DOCK10: variants seen among roughly 807,000 people sequenced by gnomAD.
DOCK10 encodes the protein dedicator of cytokinesis 10.
DOCK10 carries 145 observed loss-of-function variants against 280.1 expected under a neutral mutation model. That is an observed-to-expected ratio of 0.52 (90% CI 0.45 to 0.59). The LOEUF (loss-of-function observed/expected upper bound fraction) is 0.59, where lower values mean the gene tolerates loss of function less well. Among genes scored for constraint, DOCK10 ranks in the 20% least tolerant of loss-of-function variants. The probability of loss-of-function intolerance (pLI) is 0.00; values close to 1 mark genes in which losing one functional copy is unlikely to be tolerated. For missense variants in DOCK10, 2,368 were observed against 2,651.7 expected (o/e 0.89, Z 2.35); for synonymous variants, 915 against 942.2 (o/e 0.97, Z 0.53).
intron 50 of DOCK10, among the ~76,000 whole-genome samples, chr2:224,780,384 G>A (rs754886936): frequency 1.3e-5 from 2 of 152,118 alleles, no homozygotes; most frequent in Admixed American, 6.5e-5. Flanking sequence ...GAGAAATAAG[G>A]CTTCTGAAGC....
intron 1 of DOCK10, among the ~76,000 whole-genome samples, chr2:224,941,662 G>A (rs1420697192): frequency 6.6e-6 from 1 of 152,014 alleles, no homozygotes; most frequent in Non-Finnish European, 1.5e-5. Context: ...TGGCCAACAT[G>A]GTGAAACCCC....
Position 224,876,199 on chromosome 2 carries a change from G to A in DOCK10, c.770C>T (p.Ala257Val), listed in dbSNP as rs558377753. ...CAGATCATTCATTTTCAATTCAAAG[G>A]CATATTTTCTTAGTCTGTTATTCTG... The part of the protein sequence containing the change: ...VVQNNRLRKY[A>V]FELKMNDLTY... Residue 257 changes from alanine to valine, a missense_variant, in exon 8 of 56, where the codon GCC becomes GTC. This residue lies in a region of DOCK10 where 1,209 missense variants were observed against 1,250.9 expected (regional missense o/e 0.97). Coordinates refer to ENST00000258390, the MANE Select transcript of DOCK10 (RefSeq NM_014689.3). The A allele has an allele frequency of 3.5e-5, 57 of 1,611,134 alleles. No homozygotes were observed. In the Admixed American group the frequency reaches 8.9e-4, roughly 25 times the overall value.
intron 1 of DOCK10, among the ~76,000 whole-genome samples, chr2:224,976,357 A>G (rs1189635047): frequency 6.6e-6 from 1 of 152,196 alleles, no homozygotes; most frequent in Non-Finnish European, 1.5e-5. Context: ...CCTGTGTAAC[A>G]AACCTGCACG....
intron 1 of DOCK10, among the ~76,000 whole-genome samples, chr2:225,030,993 T>C (rs976367920): frequency 3.9e-5 from 6 of 152,214 alleles, no homozygotes; most frequent in Non-Finnish European, 5.9e-5. Flanking sequence ...TCTCTAAGTA[T>C]GACATTCTCT....
At chr2:224,932,304 G>A (rs1702431480) in intron 1 of DOCK10, among the ~76,000 whole-genome samples, 1 of 152,138 alleles carries the variant, frequency 6.6e-6, no homozygotes, top group Admixed American at 6.5e-5. Flanking sequence ...TAATCACATT[G>A]CATTAGATTC....
At chr2:224,844,985 G>C in intron 21 of DOCK10, 146 bp from the exon 22 acceptor site, 1 of 800,260 alleles carries the variant, frequency 1.2e-6, no homozygotes, top group Non-Finnish European at 2.0e-6. Context: ...AATACATTTA[G>C]CACTATTGGT....
At chr2:224,781,430 G>A (rs1256486499) in intron 50 of DOCK10, among the ~76,000 whole-genome samples, 1 of 152,170 alleles carries the variant, frequency 6.6e-6, no homozygotes, top group Non-Finnish European at 1.5e-5. Context: ...ACAAATGGCA[G>A]CTCTGAAAAT....
intron 3 of DOCK10, among the ~76,000 whole-genome samples, chr2:224,909,086 G>C (rs528812011): frequency 2.0e-5 from 3 of 152,318 alleles, no homozygotes; most frequent in Admixed American, 6.5e-5. Context: ...TGTTAAGAGA[G>C]ACTGAACCAA....
chr2:224,784,698 G>C (rs776706713), intron 50 of DOCK10: 9 of 1,289,090 alleles, frequency 7.0e-6, no homozygotes, highest in Non-Finnish European at 9.1e-6. Context: ...AGGGGTGTTA[G>C]AGCATGCAAA....
At chr2:224,828,782 C>A (rs1311337925) in intron 27 of DOCK10, among the ~76,000 whole-genome samples, 2 of 152,138 alleles carry the variant, frequency 1.3e-5, no homozygotes, top group African/African-American at 4.8e-5. Flanking sequence ...GGGACCGACT[C>A]TCAGGGAGTT....
At chr2:224,858,398 C>T (rs1256712647) in intron 14 of DOCK10, among the ~76,000 whole-genome samples, 1 of 151,968 alleles carries the variant, frequency 6.6e-6, no homozygotes, top group Non-Finnish European at 1.5e-5. Flanking sequence ...GTGGCTCACG[C>T]CTGTAATCCC....
rs1403140304 is a variant in DOCK10, at chr2:224,796,430, G to A, written c.4828-4C>T. 5.2e-6 allele frequency: 8 copies of A among 1,538,542 alleles called. No individual in the cohort carries two copies. The highest frequency in any genetic ancestry group is 1.4e-5 in the African/African-American group (1 of 72,472). On this transcript the variant is annotated splice_polypyrimidine_tract_variant and splice_region_variant and intron_variant, in intron 43 of 55. Coordinates refer to ENST00000258390, the MANE Select transcript of DOCK10 (RefSeq NM_014689.3). Reference sequence around the variant, plus strand: ...ACTGGCTCACAGCTTTGATGAGCTAGAAAAGAAAAAAAATGAACTCTCAAA... The same window carrying A: ...ACTGGCTCACAGCTTTGATGAGCTAAAAAAGAAAAAAAATGAACTCTCAAA...
intron 27 of DOCK10, among the ~76,000 whole-genome samples, chr2:224,830,327 TC>T (rs1695143920): frequency 6.6e-6 from 1 of 152,216 alleles, no homozygotes; most frequent in Non-Finnish European, 1.5e-5. Context: ...CTCCAATACA[TC>T]TTTTGCACTT....
intron 1 of DOCK10, among the ~76,000 whole-genome samples, chr2:225,003,830 C>A (rs13420015): frequency 0.054 from 8,187 of 152,102 alleles, 343 homozygotes; most frequent in African/African-American, 0.11. Flanking sequence ...GGGAAAGAGG[C>A]CATCTTTTCT....
chr2:224,888,890 G>A (rs1243145137), intron 4 of DOCK10, among the ~76,000 whole-genome samples: 1 of 151,906 alleles, frequency 6.6e-6, no homozygotes, highest in Non-Finnish European at 1.5e-5. Flanking sequence ...ATATATTAAT[G>A]TGTGTGTGTG....
At position 224,801,856 on chromosome 2, in the gene DOCK10, C is replaced by G. The variant is rs139343043; in HGVS notation, c.4393+60G>C. On this transcript the variant is annotated intron_variant, in intron 40 of 55. Coordinates refer to ENST00000258390, the MANE Select transcript of DOCK10 (RefSeq NM_014689.3). ...CTGTGGTTTTAGTGCATTTCATGTC[C>G]TACACATACCTAGAGAAAAACTGGT... 2.2e-3 allele frequency: 3,520 copies of G among 1,565,020 alleles called. 59 individuals carry two copies. In the African/African-American group the frequency reaches 0.042, roughly 19 times the overall value.
At position 224,970,126 on chromosome 2, in the gene DOCK10, T is replaced by C. The variant is rs1390947777; in HGVS notation, c.124-38458A>G. ...TCCTTATTAGTGGAGAACTGAAGGG[T>C]AGTCATGTGTGTCAAAACGTCTCCC... On this transcript the variant is annotated intron_variant, in intron 1 of 55. Coordinates refer to ENST00000258390, the MANE Select transcript of DOCK10 (RefSeq NM_014689.3). The surrounding 1 kb of genome is among the most constrained non-coding windows in gnomAD (Gnocchi z 4.6). Among the ~76,000 whole-genome samples the C allele has an allele frequency of 1.3e-5, 2 of 152,170 alleles. No homozygotes were observed. The highest frequency in any genetic ancestry group is 2.4e-5 in the African/African-American group (1 of 41,430).
chr2:224,824,631 G>A (rs940226475), intron 27 of DOCK10, among the ~76,000 whole-genome samples: 6 of 151,624 alleles, frequency 4.0e-5, no homozygotes, highest in Admixed American at 3.9e-4. Context: ...ACAGGGTTTC[G>A]TCATGTTGGC....
intron 55 of DOCK10, among the ~76,000 whole-genome samples, chr2:224,769,369 C>A (rs1157728689): frequency 6.6e-6 from 1 of 152,204 alleles, no homozygotes; most frequent in Non-Finnish European, 1.5e-5. Flanking sequence ...ATTAACAGTG[C>A]CAGGCCATTT....
Sources: gnomAD v4.1 joint callset for allele counts (sites outside exome capture counted in the v4.1 genomes callset) on GRCh38, gnomAD v4.1.1 for gene constraint, gnomAD v4.1.1 regional missense constraint, Gnocchi (gnomAD v3.1) non-coding constraint, MANE v1.5 for transcripts, NCBI Gene and HGNC (gene_info 2026-07-23, HGNC 2026-07-21) for gene names.